HSD17B4: variants seen among roughly 807,000 people sequenced by gnomAD.
The protein encoded by HSD17B4 is hydroxysteroid 17-beta dehydrogenase 4, also known as peroxisomal multifunctional enzyme type 2.
Under a neutral mutation model 101.0 loss-of-function variants are expected in HSD17B4, and 70 were observed. The ratio of observed to expected loss-of-function variants is 0.69; its 90% CI spans 0.57 to 0.85. The LOEUF is 0.85. HSD17B4 is among the 40% of genes least tolerant of loss of function. The pLI is 0.00. For synonymous variants in HSD17B4, 347 were observed against 297.1 expected (o/e 1.17, Z -1.73); for missense variants, 984 against 892.4 (o/e 1.10, Z -1.31).
chr5:119,494,345 C>CTTTCTT (rs1750423701), intron 11 of HSD17B4, among the ~76,000 whole-genome samples: 1 of 144,578 alleles, frequency 6.9e-6, no homozygotes, highest in Non-Finnish European at 1.5e-5. Flanking sequence ...TTCTTTCTTT[C>CTTTCTT]TTTCTTTCTT....
intron 8 of HSD17B4, among the ~76,000 whole-genome samples, chr5:119,488,676 T>C (rs1473712990): frequency 6.6e-6 from 1 of 152,196 alleles, no homozygotes; most frequent in Non-Finnish European, 1.5e-5. Context: ...TTAGTTCTTA[T>C]ACTTTGTGCA....
chr5:119,541,000 A>G (rs910144739), intron 23 of HSD17B4, among the ~76,000 whole-genome samples: 5 of 152,188 alleles, frequency 3.3e-5, no homozygotes, highest in African/African-American at 7.2e-5. Context: ...GTATGTAGGT[A>G]TCACTATTTT....
At chr5:119,499,578 T>C in intron 13 of HSD17B4, 25 bp downstream of exon 13, 1 of 1,357,996 alleles carries the variant, frequency 7.4e-7, no homozygotes, top group Middle Eastern at 1.8e-4. Context: ...AAACCTTTAT[T>C]TTGCTTTTCT....
chr5:119,494,371 TTCTTTCTTTCTTTCTTTCTC>T (rs1180503597), intron 11 of HSD17B4, among the ~76,000 whole-genome samples: 1 of 151,056 alleles, frequency 6.6e-6, no homozygotes, highest in African/African-American at 2.4e-5. Flanking sequence ...CTTTCTTTCT[TTCTTTCTTTCTTTCTTTCTC>T]AAAAAGATTA....
At chr5:119,467,140 A>G (rs2126655777) in intron 2 of HSD17B4, among the ~76,000 whole-genome samples, 1 of 152,346 alleles carries the variant, frequency 6.6e-6, no homozygotes, top group African/African-American at 2.4e-5. Context: ...GAAAACCAAA[A>G]TCATATCAAA....
chr5:119,521,492 G>A (rs1038955394), intron 17 of HSD17B4, among the ~76,000 whole-genome samples: 4 of 151,838 alleles, frequency 2.6e-5, no homozygotes, highest in Non-Finnish European at 1.5e-5. Flanking sequence ...CTTTCTTTGG[G>A]TATCCATTTA....
intron 17 of HSD17B4, among the ~76,000 whole-genome samples, chr5:119,518,400 G>C (rs902170571): frequency 6.6e-6 from 1 of 152,154 alleles, no homozygotes; most frequent in Admixed American, 6.6e-5. Flanking sequence ...CACTCACTGT[G>C]AGGGTCCGCG....
intron 7 of HSD17B4, chr5:119,478,070 G>A (rs1038799811): frequency 1.9e-5 from 3 of 156,872 alleles, no homozygotes; most frequent in African/African-American, 7.2e-5. Flanking sequence ...TCTGTAACCC[G>A]AATATTATTT....
chr5:119,489,846 C>T (rs1245480537), intron 9 of HSD17B4, among the ~76,000 whole-genome samples: 1 of 151,832 alleles, frequency 6.6e-6, no homozygotes, highest in African/African-American at 2.4e-5. Context: ...TTTTTTATTG[C>T]AGAGCTTTAA....
intron 2 of HSD17B4, among the ~76,000 whole-genome samples, chr5:119,466,161 A>T (rs940098451): frequency 6.6e-6 from 1 of 152,144 alleles, no homozygotes; most frequent in African/African-American, 2.4e-5. Context: ...GCTAAATCTC[A>T]CTTGATTGTG....
chr5:119,477,444 G>T lies in HSD17B4; in HGVS notation c.377G>T (p.Gly126Val). The T allele has an allele frequency of 6.2e-7, 1 of 1,612,240 alleles. No individual in the cohort carries two copies. The highest frequency in any genetic ancestry group is 8.5e-7 in the Non-Finnish European group (1 of 1,178,466). Residue 126 changes from glycine to valine, a missense_variant, in exon 7 of 24, where the codon GGT becomes GTT. By Grantham distance (109) the Gly-to-Val change is moderately radical. Coordinates refer to ENST00000510025, the MANE Select transcript of HSD17B4 (RefSeq NM_000414.4). ...ATAATCCACAGAGTTCATTTGCGGGGTTCATTCCAAGTGACACGGGCAGCA... is the reference window on the plus strand; with the variant it reads ...ATAATCCACAGAGTTCATTTGCGGGTTTCATTCCAAGTGACACGGGCAGCA... ...WDIIHRVHLR[G>V]SFQVTRAAWE...
At chr5:119,469,980 T>C (rs2126667199) in intron 2 of HSD17B4, among the ~76,000 whole-genome samples, 1 of 152,178 alleles carries the variant, frequency 6.6e-6, no homozygotes, top group Admixed American at 6.5e-5. Context: ...GCATGGTGCA[T>C]GGTAGATCCT....
At chr5:119,494,096 T>C (rs1750372641) in intron 11 of HSD17B4, 150 bp downstream of exon 11, 1 of 736,916 alleles carries the variant, frequency 1.4e-6, no homozygotes, top group African/African-American at 1.8e-5. Context: ...GGTATTAGAA[T>C]TCTTCACATT....
intron 22 of HSD17B4, among the ~76,000 whole-genome samples, chr5:119,535,573 G>A (rs1754460615): frequency 1.3e-5 from 2 of 150,798 alleles, no homozygotes. Context: ...CTTTTGGCAG[G>A]AATAACACAA....
intron 2 of HSD17B4, among the ~76,000 whole-genome samples, chr5:119,465,391 C>T (rs1467278958): frequency 6.6e-6 from 1 of 152,132 alleles, no homozygotes; most frequent in African/African-American, 2.4e-5. Flanking sequence ...CATGTGAGAT[C>T]TGGTTGTTTA....
At chr5:119,484,399 G>A (rs1397087645) in intron 8 of HSD17B4, among the ~76,000 whole-genome samples, 5 of 152,016 alleles carry the variant, frequency 3.3e-5, no homozygotes, top group Non-Finnish European at 7.4e-5. Context: ...ATATTATGAT[G>A]TTTTGATTAC....
intron 17 of HSD17B4, among the ~76,000 whole-genome samples, chr5:119,517,453 C>G (rs1026423369): frequency 6.6e-6 from 1 of 152,230 alleles, no homozygotes; most frequent in Admixed American, 6.5e-5. Context: ...CTCCACGGCG[C>G]CCAGTCCCAT....
intron 17 of HSD17B4, among the ~76,000 whole-genome samples, chr5:119,516,765 G>A (rs1364911211): frequency 1.3e-5 from 2 of 152,220 alleles, no homozygotes; most frequent in Non-Finnish European, 2.9e-5. Flanking sequence ...TATTGTCAAG[G>A]AAGGGAAGGA....
At chr5:119,474,051 C>T (rs538098300) in intron 3 of HSD17B4, 36 bp downstream of exon 3, 7 of 1,038,304 alleles carry the variant, frequency 6.7e-6, no homozygotes, top group South Asian at 5.3e-5. Flanking sequence ...ATTTATTTTC[C>T]TTCAACTAAT....
Sources: gnomAD v4.1 joint callset for allele counts (sites outside exome capture counted in the v4.1 genomes callset) on GRCh38, gnomAD v4.1.1 for gene constraint, MANE v1.5 for transcripts, NCBI Gene and HGNC (gene_info 2026-07-23, HGNC 2026-07-21) for gene names.